Variants in RBFOX1 observed in about 807,000 individuals in gnomAD.
RBFOX1 encodes the protein RNA binding fox-1 homolog 1.
RBFOX1 carries 8 observed loss-of-function variants against 57.7 expected under a neutral mutation model. The ratio of observed to expected loss-of-function variants is 0.14; its 90% CI spans 0.08 to 0.25. The LOEUF (loss-of-function observed/expected upper bound fraction) is 0.25. RBFOX1 is among the 10% of genes least tolerant of loss of function. The pLI is 1.00. For missense variants in RBFOX1, 611 were observed against 548.5 expected, an observed-to-expected ratio of 1.11 and a Z score of -1.14; for synonymous variants, 326 against 222.4, an observed-to-expected ratio of 1.47 and a Z score of -4.15.
intron 4 of RBFOX1, among the ~76,000 whole-genome samples, chr16:5,880,511 A>G (rs1173337279): frequency 6.6e-6 from 1 of 152,242 alleles, no homozygotes; most frequent in Admixed American, 6.5e-5. Context: ...CAATCTTACA[A>G]TAATCCTATG....
intron 3 of RBFOX1, among the ~76,000 whole-genome samples, chr16:6,907,976 A>C (rs1009619965): frequency 5.9e-5 from 9 of 151,590 alleles, no homozygotes; most frequent in Non-Finnish European, 1.3e-4. Context: ...GTGAGCATGG[A>C]TGTCTCTGTG....
At chr16:5,701,145 T>C (rs1475843583) in intron 3 of RBFOX1, among the ~76,000 whole-genome samples, 3 of 152,168 alleles carry the variant, frequency 2.0e-5, no homozygotes, top group South Asian at 4.1e-4. Context: ...ACCAAATAAA[T>C]CAATCTTAAG....
intron 3 of RBFOX1, among the ~76,000 whole-genome samples, chr16:6,977,263 C>G (rs182427419): frequency 1.3e-5 from 2 of 150,718 alleles, no homozygotes; most frequent in East Asian, 3.9e-4. Flanking sequence ...CAGATTTGCT[C>G]TGCTACAAGG....
intron 3 of RBFOX1, among the ~76,000 whole-genome samples, chr16:6,740,733 T>C (rs1338527553): frequency 6.6e-6 from 1 of 152,184 alleles, no homozygotes; most frequent in East Asian, 1.9e-4. Flanking sequence ...TGTAAATAGA[T>C]GGAAAAGCAC....
At chr16:7,086,002 G>T (rs1159737254) in intron 4 of RBFOX1, among the ~76,000 whole-genome samples, 2 of 152,044 alleles carry the variant, frequency 1.3e-5, no homozygotes, top group East Asian at 3.9e-4. Context: ...TCAGTTGAGG[G>T]CTGTGTTGTT....
At chr16:5,632,263 T>C (rs1339596976) in intron 3 of RBFOX1, among the ~76,000 whole-genome samples, 1 of 152,128 alleles carries the variant, frequency 6.6e-6, no homozygotes, top group Non-Finnish European at 1.5e-5. Context: ...TGAACGAGAG[T>C]AAGGATGAAT....
intron 3 of RBFOX1, among the ~76,000 whole-genome samples, chr16:6,855,837 C>A (rs543082622): frequency 6.7e-6 from 1 of 149,232 alleles, no homozygotes; most frequent in Non-Finnish European, 1.5e-5. Flanking sequence ...CTCCCTCCTT[C>A]CCTCCCTCTT....
In RBFOX1 at chr16:7,511,690, T is replaced by C. The variant is rs184245343; in HGVS notation, c.28-6457T>C. ...ATCCTTTTGCTCTTGGTAACTGGAGTGAAAGCTACACGTTGGGGTGTCTTA... is the reference window on the plus strand; with the variant it reads ...ATCCTTTTGCTCTTGGTAACTGGAGCGAAAGCTACACGTTGGGGTGTCTTA... On this transcript the variant is annotated intron_variant, in intron 4 of 15. Transcript: ENST00000550418. Among the ~76,000 whole-genome samples the C allele has an allele frequency of 2.9e-3, 436 of 152,168 alleles. 2 individuals carry two copies. Among genetic ancestry groups the C allele is most frequent in the Middle Eastern group, 0.017 (5 of 294 alleles).
intron 3 of RBFOX1, among the ~76,000 whole-genome samples, chr16:5,837,540 C>T (rs1162743506): frequency 1.3e-5 from 2 of 152,014 alleles, no homozygotes; most frequent in African/African-American, 4.8e-5. Context: ...ACCACACAGT[C>T]CCTTGTGTTG....
intron 3 of RBFOX1, among the ~76,000 whole-genome samples, chr16:5,846,520 C>G (rs969506718): frequency 6.6e-6 from 1 of 152,140 alleles, no homozygotes; most frequent in South Asian, 2.1e-4. Flanking sequence ...TTTCTTCCCC[C>G]AACTGGGTAG....
At chr16:7,236,855 C>G (rs1368705999) in intron 4 of RBFOX1, among the ~76,000 whole-genome samples, 2 of 152,118 alleles carry the variant, frequency 1.3e-5, no homozygotes, top group Non-Finnish European at 1.5e-5. Context: ...TCACTGGAAG[C>G]ACGCAGGATT....
chr16:6,409,143 G>T (rs561080197), intron 2 of RBFOX1, among the ~76,000 whole-genome samples: 1 of 152,162 alleles, frequency 6.6e-6, no homozygotes, highest in Non-Finnish European at 1.5e-5. Context: ...CTGTCTGGAC[G>T]TGGTGGCTCA....
chr16:5,982,600 C>G (rs1164716576), intron 4 of RBFOX1, among the ~76,000 whole-genome samples: 2 of 152,142 alleles, frequency 1.3e-5, no homozygotes, highest in Non-Finnish European at 2.9e-5. Flanking sequence ...TAAAAGCCCT[C>G]TCATACCTAG....
chr16:6,286,064 T>A (rs1387494817), intron 1 of RBFOX1, among the ~76,000 whole-genome samples: 1 of 152,162 alleles, frequency 6.6e-6, no homozygotes, highest in Non-Finnish European at 1.5e-5. Flanking sequence ...ATTTTGGCAC[T>A]GATAATAAAT....
At chr16:5,920,353 C>T (rs545913421) in intron 4 of RBFOX1, among the ~76,000 whole-genome samples, 3 of 152,114 alleles carry the variant, frequency 2.0e-5, no homozygotes, top group Admixed American at 6.6e-5. Flanking sequence ...ATTCACTCAT[C>T]GGTGGCTATA....
At chr16:7,241,295 A>C (rs1329606430) in intron 4 of RBFOX1, among the ~76,000 whole-genome samples, 1 of 152,084 alleles carries the variant, frequency 6.6e-6, no homozygotes, top group Admixed American at 6.5e-5. Context: ...TAATTCTCTC[A>C]GCTTGAGTAA....
intron 4 of RBFOX1, among the ~76,000 whole-genome samples, chr16:7,446,844 A>T (rs1284607832): frequency 9.4e-6 from 1 of 106,502 alleles, no homozygotes; most frequent in Non-Finnish European, 1.7e-5. Context: ...ACAGTGTCTC[A>T]CTCTGTCACC....
At chr16:6,088,170 C>T (rs1345373153) in intron 1 of RBFOX1, among the ~76,000 whole-genome samples, 15 of 152,116 alleles carry the variant, frequency 9.9e-5, no homozygotes, top group Non-Finnish European at 4.4e-5. Flanking sequence ...TACCAGAAAA[C>T]TTACCCTCTT....
Position 7,499,330 on chromosome 16 carries a change from C to G in RBFOX1, c.28-18817C>G, listed in dbSNP as rs2069827346. On this transcript the variant is annotated intron_variant, in intron 4 of 15. Transcript: ENST00000550418. ...GTCCACACTTTCCCATTTTATAAGACACAGTCATATGGATTCAGAAGCCCA... is the reference window on the plus strand; with the variant it reads ...GTCCACACTTTCCCATTTTATAAGAGACAGTCATATGGATTCAGAAGCCCA... Among the ~76,000 whole-genome samples, 3 of 152,158 alleles carry G rather than the reference C, an allele frequency of 2.0e-5. No homozygotes were observed. In the South Asian group the frequency reaches 6.2e-4, roughly 31 times the overall value.
Sources: gnomAD v4.1 joint callset for allele counts (sites outside exome capture counted in the v4.1 genomes callset) on GRCh38, gnomAD v4.1.1 for gene constraint, MANE v1.5 for transcripts, NCBI Gene and HGNC (gene_info 2026-07-23, HGNC 2026-07-21) for gene names.